The following PDE10A variants were observed in gnomAD, a reference collection of about 807,000 sequenced individuals.
PDE10A encodes the protein cAMP and cAMP-inhibited cGMP 3',5'-cyclic phosphodiesterase 10A.
PDE10A carries 39 observed loss-of-function variants against 97.7 expected under a neutral mutation model. The observed-to-expected ratio is 0.40, with a 90% CI of 0.31 to 0.52. The LOEUF is 0.52. Among genes scored for constraint, PDE10A ranks in the 20% least tolerant of loss-of-function variants. The pLI is 0.56. For synonymous variants in PDE10A, 371 were observed against 376.8 expected (o/e 0.98, Z 0.18); for missense variants, 731 against 1,047.8 (o/e 0.70, Z 4.17).
intron 18 of PDE10A, among the ~76,000 whole-genome samples, chr6:165,344,179 T>A (rs1199097248): frequency 6.6e-6 from 1 of 152,200 alleles, no homozygotes; most frequent in African/African-American, 2.4e-5. Context: ...TTTCTAAATA[T>A]GGCTTGGTTT....
chr6:165,754,782 T>C (rs938601048), intron 1 of PDE10A, among the ~76,000 whole-genome samples: 1 of 152,320 alleles, frequency 6.6e-6, no homozygotes, highest in African/African-American at 2.4e-5. Context: ...TTATTGATTA[T>C]GTTGTTCTAA....
intron 13 of PDE10A, among the ~76,000 whole-genome samples, chr6:165,412,837 A>G (rs220751): frequency 0.25 from 37,661 of 152,090 alleles, 5,251 homozygotes; most frequent in African/African-American, 0.37. Flanking sequence ...ATTTTCCCTA[A>G]CCTCAGAATT....
intron 1 of PDE10A, among the ~76,000 whole-genome samples, chr6:165,883,467 A>G (rs1781542433): frequency 6.6e-6 from 1 of 151,776 alleles, no homozygotes; most frequent in Non-Finnish European, 1.5e-5. Context: ...GCTTGAACCC[A>G]GATGGTGGGA....
chr6:165,858,556 A>G (rs6930696), intron 1 of PDE10A, among the ~76,000 whole-genome samples: 3,423 of 152,310 alleles, frequency 0.022, 67 homozygotes, highest in South Asian at 0.11. Flanking sequence ...CCCATCTCTC[A>G]GGATTGCCCC....
rs1562687224 is a variant in PDE10A at position 165,691,192 on chromosome 6, TCTCTCTCTCCCC to T, written c.-614-147636_-614-147625del. 4.1e-4 allele frequency among the ~76,000 whole-genome samples: 20 copies of T among 48,874 alleles called. 1 individual carries two copies. The highest frequency in any genetic ancestry group is 1.7e-3 in the African/African-American group (18 of 10,308). 32.1% of individuals were successfully genotyped at this position (48,874 alleles called of 152,430 possible). ...TTCTTTCTCTCTCTCTCTCTCCCTC[TCTCTCTCTCCCC>T]ACACACACACACACACACACACACA... is the stretch of plus-strand genomic sequence containing the variant. On this transcript the variant is annotated intron_variant, in intron 1 of 19. Coordinates refer to the PDE10A transcript ENST00000366882.
intron 1 of PDE10A, among the ~76,000 whole-genome samples, chr6:165,797,175 G>C (rs565743528): frequency 6.6e-6 from 1 of 152,158 alleles, no homozygotes; most frequent in South Asian, 2.1e-4. Flanking sequence ...ACACTCCACA[G>C]TGTTTCTGTG....
At chr6:165,771,945 G>C (rs1185736318) in intron 1 of PDE10A, among the ~76,000 whole-genome samples, 1 of 152,216 alleles carries the variant, frequency 6.6e-6, no homozygotes, top group Non-Finnish European at 1.5e-5. Context: ...TCTGGCTGGG[G>C]TGGGCGTTGG....
At chr6:165,945,472 T>C (rs1045982990) in intron 1 of PDE10A, among the ~76,000 whole-genome samples, 1 of 152,256 alleles carries the variant, frequency 6.6e-6, no homozygotes, top group Non-Finnish European at 1.5e-5. Flanking sequence ...ATTTATATGC[T>C]TAAATCCTAA....
At chr6:165,848,766 A>G (rs1780492892) in intron 1 of PDE10A, among the ~76,000 whole-genome samples, 1 of 152,074 alleles carries the variant, frequency 6.6e-6, no homozygotes, top group African/African-American at 2.4e-5. Context: ...GGCCGGGGGA[A>G]TCAAGGTTGG....
intron 1 of PDE10A, among the ~76,000 whole-genome samples, chr6:165,867,138 A>G (rs991309255): frequency 3.3e-5 from 5 of 151,988 alleles, no homozygotes; most frequent in African/African-American, 1.2e-4. Context: ...TCAGAAAATA[A>G]TTAAGAAAGT....
At chr6:165,400,260 T>C (rs778438084) in intron 13 of PDE10A, among the ~76,000 whole-genome samples, 2 of 150,142 alleles carry the variant, frequency 1.3e-5, no homozygotes, top group Admixed American at 6.6e-5. Flanking sequence ...AGAGGAGAAA[T>C]GTCTTAACGA....
intron 2 of PDE10A, among the ~76,000 whole-genome samples, chr6:165,541,803 T>C (rs1313489981): frequency 6.6e-6 from 1 of 152,182 alleles, no homozygotes; most frequent in South Asian, 2.1e-4. Context: ...TGATTTATTA[T>C]TTCTCTTCTC....
intron 2 of PDE10A, among the ~76,000 whole-genome samples, chr6:165,503,024 C>CTATATAGTAT: frequency 6.6e-6 from 1 of 152,264 alleles, no homozygotes; most frequent in South Asian, 2.1e-4. Flanking sequence ...GCTGATTAAA[C>CTATATAGTAT]AAAGAAACAA....
At chr6:165,417,354 A>G (rs1356090153) in intron 11 of PDE10A, among the ~76,000 whole-genome samples, 1 of 152,180 alleles carries the variant, frequency 6.6e-6, no homozygotes, top group African/African-American at 2.4e-5. Flanking sequence ...AGTCTGAACT[A>G]TAACTTTTGT....
At chr6:165,442,491 A>G (rs1183485280) in intron 5 of PDE10A, among the ~76,000 whole-genome samples, 2 of 152,178 alleles carry the variant, frequency 1.3e-5, no homozygotes, top group Admixed American at 1.3e-4. Context: ...AACGGGAAGC[A>G]AGGAACTTCT....
chr6:165,739,776 A>G (rs1792673431), intron 1 of PDE10A, among the ~76,000 whole-genome samples: 1 of 152,212 alleles, frequency 6.6e-6, no homozygotes, highest in Non-Finnish European at 1.5e-5. Flanking sequence ...AAATGGCAAG[A>G]AAACACATAA....
At chr6:165,336,758 A>G (rs977264002) in intron 20 of PDE10A, among the ~76,000 whole-genome samples, 7 of 149,458 alleles carry the variant, frequency 4.7e-5, no homozygotes, top group African/African-American at 1.7e-4. Context: ...TCCGTCTCAA[A>G]AAAAAAAAAA....
rs377293537 is a variant in PDE10A, at chr6:165,669,076, C to T, written c.-614-125508G>A. Among the ~76,000 whole-genome samples the T allele has an allele frequency of 4.7e-5, 7 of 150,262 alleles. No homozygotes were observed. The East Asian group carries it at 1.2e-3, about 25-fold the overall frequency. On this transcript the variant is annotated intron_variant, in intron 1 of 19. Coordinates refer to the PDE10A transcript ENST00000366882. ...AGACTGAGTCAGGCCTGGTGGCTGG[C>T]ACACACACAGTCTACCCAGTGTCTG... is the stretch of plus-strand genomic sequence containing the variant.
chr6:165,567,596 C>A (rs1005800283), intron 1 of PDE10A, among the ~76,000 whole-genome samples: 1 of 152,196 alleles, frequency 6.6e-6, no homozygotes. Context: ...AACCCATTCC[C>A]AATCTCTCCC....
Sources: allele counts gnomAD v4.1 joint callset (sites outside exome capture counted in the v4.1 genomes callset), GRCh38; gene constraint gnomAD v4.1.1; transcripts MANE v1.5; gene names NCBI Gene and HGNC (gene_info 2026-07-23, HGNC 2026-07-21).